CPQ: variants seen among roughly 807,000 people sequenced by gnomAD.
The protein encoded by CPQ is carboxypeptidase Q, also known as Ser-Met dipeptidase.
Under a neutral mutation model 45.7 loss-of-function variants are expected in CPQ, and 37 were observed. The ratio of observed to expected loss-of-function variants is 0.81; its 90% CI spans 0.62 to 1.07. CPQ has a LOEUF of 1.07. CPQ is among the 50% of genes least tolerant of loss of function. CPQ has a pLI of 0.00. For missense variants in CPQ, 537 were observed against 572.9 expected, an observed-to-expected ratio of 0.94 and a Z score of 0.64; for synonymous variants, 186 against 205.8, an observed-to-expected ratio of 0.90 and a Z score of 0.82.
chr8:96,967,252 T>TTCAA (rs1813582256), intron 5 of CPQ, among the ~76,000 whole-genome samples: 1 of 152,230 alleles, frequency 6.6e-6, no homozygotes, highest in Admixed American at 6.5e-5. Context: ...TTTCAGTATG[T>TTCAA]TCAATCAGCT....
intron 1 of CPQ, among the ~76,000 whole-genome samples, chr8:96,685,519 G>C (rs2464494): frequency 0.7 from 106,953 of 151,846 alleles, 38,105 homozygotes; most frequent in Middle Eastern, 0.82. Context: ...ATATACTTAT[G>C]ACATTAAAAT....
At chr8:96,663,033 G>A (rs753338706) in intron 1 of CPQ, among the ~76,000 whole-genome samples, 22 of 152,126 alleles carry the variant, frequency 1.4e-4, no homozygotes, top group Non-Finnish European at 3.1e-4. Context: ...TAGAGAATGG[G>A]TAATCACCTT....
chr8:96,847,468 CT>C (rs1165716657), intron 3 of CPQ, among the ~76,000 whole-genome samples: 5 of 151,996 alleles, frequency 3.3e-5, no homozygotes, highest in African/African-American at 9.7e-5. Context: ...TATCATCATT[CT>C]TTTTGATAAA....
intron 5 of CPQ, among the ~76,000 whole-genome samples, chr8:97,028,847 A>C (rs1421108114): frequency 6.6e-6 from 1 of 152,176 alleles, no homozygotes; most frequent in African/African-American, 2.4e-5. Flanking sequence ...ATGACCTTCT[A>C]TTTCCAAGTA....
chr8:96,926,576 C>CTCTTCCTCTTCCTCTTCTTCT (rs1445697100), intron 4 of CPQ, among the ~76,000 whole-genome samples: 79 of 75,004 alleles, frequency 1.1e-3, no homozygotes, highest in African/African-American at 2.8e-3. Context: ...CTTCCTCTTC[C>CTCTTCCTCTTCCTCTTCTTCT]TCTTCTTCTT....
intron 4 of CPQ, among the ~76,000 whole-genome samples, chr8:96,885,975 C>G (rs1037173023): frequency 6.9e-5 from 8 of 115,268 alleles, no homozygotes; most frequent in African/African-American, 2.5e-4. Context: ...GACTCCATCT[C>G]AACAGAAAAA....
At chr8:96,685,002 G>T (rs1563702084) in intron 1 of CPQ, among the ~76,000 whole-genome samples, 1 of 152,068 alleles carries the variant, frequency 6.6e-6, no homozygotes, top group Non-Finnish European at 1.5e-5. Context: ...TACTTGGGAG[G>T]CTGAGGCAGG....
At chr8:96,834,842 T>A (rs537909266) in intron 2 of CPQ, 131 bp from the exon 3 acceptor site, 18 of 691,934 alleles carry the variant, frequency 2.6e-5, no homozygotes, top group Non-Finnish European at 4.2e-5. Flanking sequence ...GGTAAATGGC[T>A]CTAAAACTTT....
intron 5 of CPQ, among the ~76,000 whole-genome samples, chr8:96,971,287 A>ATTG (rs1187401728): frequency 6.6e-6 from 1 of 152,238 alleles, no homozygotes; most frequent in African/African-American, 2.4e-5. Flanking sequence ...GATAGAGCCT[A>ATTG]TTGTTGTGTC....
intron 1 of CPQ, among the ~76,000 whole-genome samples, chr8:96,733,885 T>C (rs1229996842): frequency 3.3e-5 from 5 of 152,198 alleles, no homozygotes; most frequent in Non-Finnish European, 7.3e-5. Flanking sequence ...AAGATGAATA[T>C]AAGCTGTGAA....
At chr8:96,726,822 C>T (rs1441259162) in intron 1 of CPQ, among the ~76,000 whole-genome samples, 1 of 152,110 alleles carries the variant, frequency 6.6e-6, no homozygotes, top group African/African-American at 2.4e-5. Flanking sequence ...ACACTTTTGA[C>T]CTCCTTACCA....
At chr8:96,861,525 A>C (rs1244665926) in intron 3 of CPQ, among the ~76,000 whole-genome samples, 1 of 152,118 alleles carries the variant, frequency 6.6e-6, no homozygotes, top group African/African-American at 2.4e-5. Flanking sequence ...CGAGGATGTC[A>C]CTGGAGTGTG....
At position 96,730,876 on chromosome 8, in the gene CPQ, T is replaced by C. The variant is rs866270253; in HGVS notation, c.-34-53988T>C. Among the ~76,000 whole-genome samples, 257 of 121,866 alleles carry C rather than the reference T, an allele frequency of 2.1e-3. 8 individuals are homozygous for C. Among genetic ancestry groups the C allele is most frequent in the African/African-American group, 4.5e-3 (165 of 36,476 alleles). 79.9% of individuals were successfully genotyped at this position (121,866 alleles called of 152,430 possible). A position where few individuals can be genotyped will look rare whatever the true frequency, so the allele number is the denominator to read the frequency against. ...AATTAACCATACATACATATATATA[T>C]ATATATATATATATATGCATTTTTT... is the stretch of plus-strand genomic sequence containing the variant. On this transcript the variant is annotated intron_variant, in intron 1 of 7. Transcript: ENST00000220763.
chr8:96,986,756 G>A (rs772033660), intron 5 of CPQ, among the ~76,000 whole-genome samples: 4 of 152,148 alleles, frequency 2.6e-5, no homozygotes, highest in Non-Finnish European at 5.9e-5. Context: ...ACTTTGCTAG[G>A]AGGATAAATA....
intron 4 of CPQ, among the ~76,000 whole-genome samples, chr8:96,892,206 A>T (rs1444375397): frequency 6.6e-6 from 1 of 152,256 alleles, no homozygotes; most frequent in Non-Finnish European, 1.5e-5. Flanking sequence ...GAACAGCTTT[A>T]GCATTGATGC....
chr8:96,692,525 G>A (rs1208548588), intron 1 of CPQ, among the ~76,000 whole-genome samples: 1 of 152,160 alleles, frequency 6.6e-6, no homozygotes, highest in African/African-American at 2.4e-5. Flanking sequence ...AGGAAACAGA[G>A]CAAGAGTCTT....
At chr8:96,693,758 A>G (rs1290608711) in intron 1 of CPQ, among the ~76,000 whole-genome samples, 2 of 152,206 alleles carry the variant, frequency 1.3e-5, no homozygotes, top group Non-Finnish European at 2.9e-5. Flanking sequence ...ATGAGGAATA[A>G]GAAATCATCT....
At chr8:97,086,123 T>C in intron 7 of CPQ, among the ~76,000 whole-genome samples, 1 of 152,182 alleles carries the variant, frequency 6.6e-6, no homozygotes, top group Non-Finnish European at 1.5e-5. Context: ...GCAATTTTAA[T>C]TGCTTGGCAC....
intron 5 of CPQ, among the ~76,000 whole-genome samples, chr8:97,007,069 A>G (rs761409627): frequency 4.5e-4 from 68 of 152,188 alleles, no homozygotes; most frequent in Non-Finnish European, 5.9e-5. Flanking sequence ...TAAAAAGCAC[A>G]CTACTGTTCC....
Sources: allele counts gnomAD v4.1 joint callset (sites outside exome capture counted in the v4.1 genomes callset), GRCh38; gene constraint gnomAD v4.1.1; transcripts MANE v1.5; gene names NCBI Gene and HGNC (gene_info 2026-07-23, HGNC 2026-07-21).